The following GRIK4 variants were observed in gnomAD, a reference collection of about 807,000 sequenced individuals.
GRIK4 encodes glutamate receptor ionotropic, kainate 4.
In GRIK4, 40 loss-of-function variants were observed where a neutral mutation model predicts 104.9. That is an observed-to-expected ratio of 0.38 (90% confidence interval 0.30 to 0.50). The LOEUF (loss-of-function observed/expected upper bound fraction) is 0.50. GRIK4 is among the 20% of genes least tolerant of loss of function. The pLI is 0.93. For synonymous variants in GRIK4, 485 were observed against 524.9 expected, an observed-to-expected ratio of 0.92 and a Z score of 1.04; for missense variants, 1,047 against 1,308.1, an observed-to-expected ratio of 0.80 and a Z score of 3.08.
intron 1 of GRIK4, among the ~76,000 whole-genome samples, chr11:120,512,786 C>T (rs1947679412): frequency 6.6e-6 from 1 of 152,190 alleles, no homozygotes. Flanking sequence ...GCACCTGTGT[C>T]TCTTTCCCTG....
intron 3 of GRIK4, among the ~76,000 whole-genome samples, chr11:120,711,570 G>A (rs1196413288): frequency 6.6e-6 from 1 of 152,188 alleles, no homozygotes; most frequent in Non-Finnish European, 1.5e-5. Flanking sequence ...GAATCTAAGA[G>A]CAGAGACTCC....
At chr11:120,629,561 C>T (rs1284371589) in intron 1 of GRIK4, among the ~76,000 whole-genome samples, 1 of 152,114 alleles carries the variant, frequency 6.6e-6, no homozygotes, top group Non-Finnish European at 1.5e-5. Context: ...CTCCTCTGGG[C>T]CACATGGGCA....
At chr11:120,918,291 G>A (rs1452519425) in intron 13 of GRIK4, among the ~76,000 whole-genome samples, 1 of 152,160 alleles carries the variant, frequency 6.6e-6, no homozygotes. Context: ...TCAGGAGTAA[G>A]AATCCTATTC....
chr11:120,883,502 T>C (rs1955027168), intron 11 of GRIK4, among the ~76,000 whole-genome samples: 1 of 152,202 alleles, frequency 6.6e-6, no homozygotes, highest in Non-Finnish European at 1.5e-5. Flanking sequence ...AATCAGGCTC[T>C]CCTGTCCACC....
intron 3 of GRIK4, among the ~76,000 whole-genome samples, chr11:120,698,999 G>C (rs190924791): frequency 6.6e-6 from 1 of 152,226 alleles, no homozygotes; most frequent in African/African-American, 2.4e-5. Flanking sequence ...TTAAAATGGG[G>C]ATAAATTCTA....
chr11:120,600,769 G>A (rs1948873998), intron 1 of GRIK4, among the ~76,000 whole-genome samples: 1 of 152,206 alleles, frequency 6.6e-6, no homozygotes, highest in Non-Finnish European at 1.5e-5. Context: ...AAAAGATTAA[G>A]AACTCATGAG....
chr11:120,897,265 A>AT (rs1394862089), intron 11 of GRIK4, among the ~76,000 whole-genome samples: 2 of 152,050 alleles, frequency 1.3e-5, no homozygotes, highest in African/African-American at 4.8e-5. Flanking sequence ...TAAGTTGTGG[A>AT]TTTTTTTCAC....
At chr11:120,533,683 G>T (rs1246218834) in intron 1 of GRIK4, among the ~76,000 whole-genome samples, 1 of 152,194 alleles carries the variant, frequency 6.6e-6, no homozygotes, top group Non-Finnish European at 1.5e-5. Context: ...TTCGAGACCA[G>T]CCTGGCCAAC....
intron 1 of GRIK4, among the ~76,000 whole-genome samples, chr11:120,548,933 G>A (rs1047065142): frequency 2.0e-5 from 3 of 152,220 alleles, no homozygotes; most frequent in Non-Finnish European, 4.4e-5. Flanking sequence ...ACCATACGGT[G>A]CCTGTCTGAT....
chr11:120,917,295 AAAAAGAAAGAAAAG>A (rs1447765396), intron 13 of GRIK4, among the ~76,000 whole-genome samples: 1 of 150,566 alleles, frequency 6.6e-6, no homozygotes, highest in Non-Finnish European at 1.5e-5. Flanking sequence ...GAAAGAAAGA[AAAAAGAAAGAAAAG>A]AAAAGAAAGC....
chr11:120,907,924 A>G (rs1942905298), intron 13 of GRIK4, among the ~76,000 whole-genome samples: 1 of 152,160 alleles, frequency 6.6e-6, no homozygotes, highest in African/African-American at 2.4e-5. Flanking sequence ...GGACCCCACC[A>G]TCCCCAGGTT....
At chr11:120,921,529 C>A (rs1045249265) in intron 13 of GRIK4, among the ~76,000 whole-genome samples, 1 of 152,206 alleles carries the variant, frequency 6.6e-6, no homozygotes, top group Admixed American at 6.5e-5. Context: ...TGTACCGGTG[C>A]GTTTAGCAGG....
intron 13 of GRIK4, among the ~76,000 whole-genome samples, chr11:120,929,568 A>C (rs1466766583): frequency 1.3e-5 from 2 of 152,218 alleles, no homozygotes; most frequent in Non-Finnish European, 2.9e-5. Flanking sequence ...AATGCACAGC[A>C]CAAAAGGACT....
chr11:120,798,294 G>A (rs960667678), intron 3 of GRIK4, among the ~76,000 whole-genome samples: 3 of 151,122 alleles, frequency 2.0e-5, no homozygotes, highest in African/African-American at 7.3e-5. Flanking sequence ...GAGTAGCTGG[G>A]ATTACAGGTG....
chr11:120,836,292 T>C (rs1953573259), intron 7 of GRIK4, among the ~76,000 whole-genome samples: 1 of 152,196 alleles, frequency 6.6e-6, no homozygotes, highest in Admixed American at 6.5e-5. Context: ...TTGTGTCAGT[T>C]TCCTCAGCTG....
intron 1 of GRIK4, among the ~76,000 whole-genome samples, chr11:120,584,645 A>G (rs1948634682): frequency 6.6e-6 from 1 of 152,130 alleles, no homozygotes; most frequent in Admixed American, 6.5e-5. Flanking sequence ...ACCAGGCTCC[A>G]CCTCCAACAC....
At chr11:120,918,874 T>C (rs1943168261) in intron 13 of GRIK4, among the ~76,000 whole-genome samples, 1 of 152,232 alleles carries the variant, frequency 6.6e-6, no homozygotes, top group African/African-American at 2.4e-5. Flanking sequence ...ATTGAATACC[T>C]ACTACCTGCC....
In GRIK4 at chr11:120,558,589, A is replaced by AAAACC. The variant is rs976034908; in HGVS notation, c.-159+46716_-159+46720dup. On this transcript the variant is annotated intron_variant, in intron 1 of 20. Transcript: ENST00000527524. Reference sequence around the variant, plus strand: ...GGCGACAGAGCGAGACTCCGTCTCAAAAACCAAACCAAACCAAAACAAAAC... The same window carrying AAAACC: ...GGCGACAGAGCGAGACTCCGTCTCAAAAACCAAACCAAACCAAACCAAAACAAAAC... Among the ~76,000 whole-genome samples, 5 of 152,252 alleles carry AAAACC rather than the reference A, an allele frequency of 3.3e-5. No individual in the cohort carries two copies. In the South Asian group the frequency reaches 6.2e-4, roughly 19 times the overall value.
intron 3 of GRIK4, among the ~76,000 whole-genome samples, chr11:120,790,421 C>T (rs1952371247): frequency 6.6e-6 from 1 of 151,988 alleles, no homozygotes; most frequent in South Asian, 2.1e-4. Context: ...TTACCTGGGG[C>T]ACGGTGGGAA....
Sources: allele counts gnomAD v4.1 joint callset (sites outside exome capture counted in the v4.1 genomes callset), GRCh38; gene constraint gnomAD v4.1.1; transcripts MANE v1.5; gene names NCBI Gene and HGNC (gene_info 2026-07-23, HGNC 2026-07-21).